The following MAML2 variants were observed in gnomAD, a reference collection of about 807,000 sequenced individuals.
MAML2 encodes the protein mastermind-like protein 2.
Under a neutral mutation model 96.1 loss-of-function variants are expected in MAML2, and 22 were observed. That is an observed-to-expected ratio of 0.23 (90% CI 0.16 to 0.33). MAML2 has a LOEUF of 0.33. MAML2 is among the 10% of genes least tolerant of loss of function. MAML2 has a pLI of 1.00. For synonymous variants in MAML2, 561 were observed against 521.3 expected (o/e 1.08, Z -1.04); for missense variants, 1,367 against 1,392.4 (o/e 0.98, Z 0.29).
chr11:95,994,862 G>C (rs151298638), intron 2 of MAML2, among the ~76,000 whole-genome samples: 9 of 152,244 alleles, frequency 5.9e-5, no homozygotes, highest in Admixed American at 5.2e-4. Context: ...CCATGCAATG[G>C]ACAAGACCAT....
At chr11:96,285,863 T>C (rs1446795297) in intron 1 of MAML2, among the ~76,000 whole-genome samples, 1 of 152,216 alleles carries the variant, frequency 6.6e-6, no homozygotes, top group Non-Finnish European at 1.5e-5. Flanking sequence ...GGAATGCTTC[T>C]ATGCTGTTGG....
At chr11:96,213,801 T>G (rs79632877) in intron 1 of MAML2, among the ~76,000 whole-genome samples, 2,004 of 152,288 alleles carry the variant, frequency 0.013, 53 homozygotes, top group African/African-American at 0.046. Context: ...CCCTTAAAAT[T>G]AACAATTTTC....
chr11:96,055,812 CT>C (rs1333088745), intron 2 of MAML2, among the ~76,000 whole-genome samples: 4 of 152,128 alleles, frequency 2.6e-5, no homozygotes, highest in Admixed American at 2.6e-4. Context: ...GAAATGTTGG[CT>C]ACATTTAAAA....
chr11:96,139,045 A>G (rs1289475339), intron 1 of MAML2, among the ~76,000 whole-genome samples: 3 of 152,226 alleles, frequency 2.0e-5, no homozygotes, highest in Non-Finnish European at 2.9e-5. Flanking sequence ...TTTGATACTT[A>G]CAATACCTTA....
chr11:96,017,842 CA>C (rs1423865950), intron 2 of MAML2, among the ~76,000 whole-genome samples: 2 of 152,088 alleles, frequency 1.3e-5, no homozygotes, highest in East Asian at 3.9e-4. Flanking sequence ...GGTGGAGAAG[CA>C]GGGGAGACAT....
chr11:96,299,060 A>ATATATATATATATATATATATATATATAT (rs1555037072), intron 1 of MAML2, among the ~76,000 whole-genome samples: 2 of 56,336 alleles, frequency 3.6e-5, no homozygotes, highest in African/African-American at 1.8e-4. Context: ...AAAAAAAAAA[A>ATATATATATATATATATATATATATATAT]ATATATATAT....
chr11:96,131,581 T>G (rs1393817650), intron 1 of MAML2, among the ~76,000 whole-genome samples: 1 of 152,192 alleles, frequency 6.6e-6, no homozygotes, highest in Non-Finnish European at 1.5e-5. Context: ...GGCAAACTGA[T>G]AGATTCAGAA....
rs1474200993 is a variant in MAML2, at chr11:95,979,088, G to A, written c.3331C>T (p.Leu1111Phe). 2.5e-6 allele frequency: 4 copies of A among 1,613,872 alleles called. No homozygotes were observed. The highest frequency in any genetic ancestry group is 2.2e-5 in the East Asian group (1 of 44,896). ...DHSSDLAFDF[L>F]SQQNDNMGPA... ...CCCATGTTATCATTTTGTTGGCTGA[G>A]GAAGTCAAAAGCTAAGTCACTGCTG... The change falls in exon 5 of 5, where the codon CTC becomes TTC. Residue 1111 changes from leucine to phenylalanine, a missense_variant. Leu to Phe is a conservative substitution (Grantham distance 22). Coordinates refer to ENST00000524717, the MANE Select transcript of MAML2 (RefSeq NM_032427.4).
At chr11:95,996,670 A>AT (rs901974063) in intron 2 of MAML2, among the ~76,000 whole-genome samples, 20 of 152,244 alleles carry the variant, frequency 1.3e-4, no homozygotes, top group Admixed American at 4.6e-4. Context: ...CTGCTCTTGC[A>AT]TTTTTTTGCC....
chr11:95,981,003 C>T (rs1857728294), intron 4 of MAML2, among the ~76,000 whole-genome samples: 1 of 152,160 alleles, frequency 6.6e-6, no homozygotes, highest in Admixed American at 6.5e-5. Flanking sequence ...CAGGGTGGAG[C>T]CTTGGGAAGT....
chr11:96,180,968 G>C (rs1341528399), intron 1 of MAML2, among the ~76,000 whole-genome samples: 1 of 151,364 alleles, frequency 6.6e-6, no homozygotes, highest in Non-Finnish European at 1.5e-5. Context: ...GCAGGAGTGG[G>C]GGTCGCAAGG....
At chr11:96,235,424 G>A (rs1233669275) in intron 1 of MAML2, among the ~76,000 whole-genome samples, 2 of 152,128 alleles carry the variant, frequency 1.3e-5, no homozygotes, top group Non-Finnish European at 2.9e-5. Flanking sequence ...GCTCTTAATA[G>A]AACAAGTTTG....
intron 1 of MAML2, among the ~76,000 whole-genome samples, chr11:96,251,487 A>G (rs1862580712): frequency 6.6e-6 from 1 of 152,204 alleles, no homozygotes; most frequent in African/African-American, 2.4e-5. Flanking sequence ...GACAGAACTT[A>G]TGTAAGTAAA....
At chr11:96,181,572 C>A (rs1171712313) in intron 1 of MAML2, among the ~76,000 whole-genome samples, 1 of 152,100 alleles carries the variant, frequency 6.6e-6, no homozygotes, top group Non-Finnish European at 1.5e-5. Flanking sequence ...CAAGTCTTTA[C>A]AACGTTGAGA....
At chr11:96,197,497 A>G (rs1261784552) in intron 1 of MAML2, among the ~76,000 whole-genome samples, 1 of 152,204 alleles carries the variant, frequency 6.6e-6, no homozygotes, top group African/African-American at 2.4e-5. Flanking sequence ...TCCAGAAAAA[A>G]TATAAGGGGG....
chr11:96,136,934 G>T (rs1860642819), intron 1 of MAML2, among the ~76,000 whole-genome samples: 1 of 152,118 alleles, frequency 6.6e-6, no homozygotes, highest in Non-Finnish European at 1.5e-5. Context: ...TAATTTCTGG[G>T]GATGCCCTGA....
chr11:96,302,214 A>T (rs1863395371), intron 1 of MAML2, among the ~76,000 whole-genome samples: 2 of 151,942 alleles, frequency 1.3e-5, no homozygotes, highest in Admixed American at 1.3e-4. Flanking sequence ...GCAGTAATAT[A>T]AAGAAGAATG....
chr11:96,223,964 AT>A (rs1862176946), intron 1 of MAML2, among the ~76,000 whole-genome samples: 1 of 152,226 alleles, frequency 6.6e-6, no homozygotes, highest in East Asian at 1.9e-4. Context: ...ATCTATGTGT[AT>A]GATTTAATAT....
intron 1 of MAML2, among the ~76,000 whole-genome samples, chr11:96,327,535 C>T (rs369404707): frequency 1.3e-5 from 2 of 151,982 alleles, no homozygotes; most frequent in East Asian, 1.9e-4. Flanking sequence ...TCAAGTGAGT[C>T]CCCTGCCTCA....
Sources: allele counts gnomAD v4.1 joint callset (sites outside exome capture counted in the v4.1 genomes callset), GRCh38; gene constraint gnomAD v4.1.1; transcripts MANE v1.5; gene names NCBI Gene and HGNC (gene_info 2026-07-23, HGNC 2026-07-21).